AK5: variants seen among roughly 807,000 people sequenced by gnomAD.
AK5 encodes the protein adenylate kinase 5, also known as adenylate kinase isoenzyme 5.
AK5 carries 27 observed loss-of-function variants against 69.5 expected under a neutral mutation model. That is an observed-to-expected ratio of 0.39 (90% CI 0.29 to 0.54). The LOEUF is 0.54. Ranked by LOEUF, AK5 falls within the 20% of genes least tolerant of loss-of-function variation. The pLI is 0.71. For missense variants in AK5, 531 were observed against 700.4 expected, an observed-to-expected ratio of 0.76 and a Z score of 2.73; for synonymous variants, 260 against 244.4, an observed-to-expected ratio of 1.06 and a Z score of -0.60.
intron 10 of AK5, among the ~76,000 whole-genome samples, chr1:77,517,496 A>T (rs1657721588): frequency 6.6e-6 from 1 of 152,206 alleles, no homozygotes; most frequent in Admixed American, 6.5e-5. Flanking sequence ...CCTCGTCTGT[A>T]AAATGGGAAT....
At chr1:77,448,572 C>A (rs540658754) in intron 8 of AK5, among the ~76,000 whole-genome samples, 1 of 152,336 alleles carries the variant, frequency 6.6e-6, no homozygotes, top group South Asian at 2.1e-4. Flanking sequence ...TAATAAAGCA[C>A]CTCTTTGCCT....
At chr1:77,367,654 T>TTATA (rs1428487118) in intron 6 of AK5, among the ~76,000 whole-genome samples, 1 of 102,696 alleles carries the variant, frequency 9.7e-6, no homozygotes, top group East Asian at 2.9e-4. Context: ...GTTATATATG[T>TTATA]TATATATATG....
At position 77,293,954 on chromosome 1, in the gene AK5, G is replaced by C. The variant is rs1290673727; in HGVS notation, c.409G>C (p.Val137Leu). The C allele has an allele frequency of 6.2e-7, 1 of 1,610,764 alleles. No individual in the cohort carries two copies. The highest frequency in any genetic ancestry group is 8.5e-7 in the Non-Finnish European group (1 of 1,178,958). The change falls in exon 3 of 14, where the codon GTT (valine) becomes CTT (leucine). Residue 137 changes from valine to leucine, a missense_variant. Coordinates refer to ENST00000354567, the MANE Select transcript of AK5 (RefSeq NM_174858.3). ...CAGACCTCGACCAAAAATCATTCTT[G>C]TTATAGGTATGAGGACAGAAAGCAA... ...PTRPRPKIILVIGGPGSGKGT... is the reference protein window; with the variant it reads ...PTRPRPKIILLIGGPGSGKGT...
At chr1:77,498,781 G>A (rs1656516369) in intron 10 of AK5, among the ~76,000 whole-genome samples, 1 of 152,190 alleles carries the variant, frequency 6.6e-6, no homozygotes, top group African/African-American at 2.4e-5. Flanking sequence ...ATTGGAACAA[G>A]GAAAGGAACA....
At chr1:77,288,403 A>G (rs1658484906) in intron 2 of AK5, among the ~76,000 whole-genome samples, 1 of 152,206 alleles carries the variant, frequency 6.6e-6, no homozygotes, top group South Asian at 2.1e-4. Flanking sequence ...ATTGTACAAC[A>G]AAAGGTTTAT....
chr1:77,392,177 T>C (rs1276533072), intron 6 of AK5, among the ~76,000 whole-genome samples: 2 of 152,238 alleles, frequency 1.3e-5, no homozygotes, highest in Admixed American at 1.3e-4. Flanking sequence ...TAGGCCTGCC[T>C]GTAGTTTAAA....
At chr1:77,534,351 AAC>A (rs1272844965) in intron 12 of AK5, among the ~76,000 whole-genome samples, 1 of 152,190 alleles carries the variant, frequency 6.6e-6, no homozygotes, top group Non-Finnish European at 1.5e-5. Context: ...GGAGACTCAT[AAC>A]ACAGATCATA....
intron 6 of AK5, among the ~76,000 whole-genome samples, chr1:77,374,299 G>A (rs1647183595): frequency 6.6e-6 from 1 of 151,986 alleles, no homozygotes; most frequent in Non-Finnish European, 1.5e-5. Context: ...TTACTTGATA[G>A]CAAAGTGTCC....
chr1:77,306,046 ATTGT>A (rs994088486), intron 5 of AK5, among the ~76,000 whole-genome samples: 1 of 151,464 alleles, frequency 6.6e-6, no homozygotes, highest in Admixed American at 6.6e-5. Context: ...CATTACAGAG[ATTGT>A]TTGGTTAATT....
intron 2 of AK5, among the ~76,000 whole-genome samples, chr1:77,288,969 T>A (rs141745160): frequency 1.3e-5 from 2 of 152,338 alleles, no homozygotes; most frequent in African/African-American, 4.8e-5. Context: ...TGTCTTTATA[T>A]ACTTACTAAA....
chr1:77,557,591 C>T (rs1438042440), intron 13 of AK5, among the ~76,000 whole-genome samples: 1 of 152,102 alleles, frequency 6.6e-6, no homozygotes, highest in East Asian at 1.9e-4. Context: ...AGTCTCCAAG[C>T]GGACTCTACC....
At chr1:77,546,444 AT>A (rs1659548672) in intron 13 of AK5, among the ~76,000 whole-genome samples, 1 of 152,142 alleles carries the variant, frequency 6.6e-6, no homozygotes, top group Non-Finnish European at 1.5e-5. Context: ...GGAAAAAGAC[AT>A]GTGCTTGTAA....
intron 12 of AK5, among the ~76,000 whole-genome samples, chr1:77,533,900 A>AT (rs149612092): frequency 0.026 from 3,866 of 151,224 alleles, 131 homozygotes; most frequent in African/African-American, 0.089. Context: ...AACAAGGGTC[A>AT]TTTTTTTCCT....
intron 8 of AK5, among the ~76,000 whole-genome samples, chr1:77,466,273 C>T (rs941171645): frequency 1.4e-4 from 21 of 152,200 alleles, no homozygotes; most frequent in African/African-American, 4.6e-4. Context: ...TCTCCACTTG[C>T]CCAACTCAGA....
At chr1:77,534,286 A>G (rs1482825827) in intron 12 of AK5, among the ~76,000 whole-genome samples, 1 of 152,180 alleles carries the variant, frequency 6.6e-6, no homozygotes, top group African/African-American at 2.4e-5. Flanking sequence ...AGGAGGATGC[A>G]AAGTAAGCAT....
At chr1:77,428,427 G>T (rs919387376) in intron 8 of AK5, among the ~76,000 whole-genome samples, 8 of 152,076 alleles carry the variant, frequency 5.3e-5, no homozygotes, top group Non-Finnish European at 1.2e-4. Context: ...ATCAATAAAA[G>T]TACTGACTTT....
chr1:77,498,307 A>T (rs1656479826), intron 10 of AK5, among the ~76,000 whole-genome samples: 1 of 152,218 alleles, frequency 6.6e-6, no homozygotes, highest in East Asian at 1.9e-4. Flanking sequence ...ACGGGTGACT[A>T]GGAAGTAAGT....
rs188153767 is a variant in AK5 at position 77,313,942 on chromosome 1, A to G, written c.699+15995A>G. On this transcript the variant is annotated intron_variant, in intron 5 of 13. Coordinates refer to ENST00000354567, the MANE Select transcript of AK5 (RefSeq NM_174858.3). ...AAGTCTTTGCCTCTGCCTGCCACAT[A>G]TCTTCCTTGAGGCAATGAAGTACAG... The G allele has an allele frequency of 7.8e-5, 39 of 498,990 alleles. No individual in the cohort carries two copies. In the East Asian group the frequency reaches 2.1e-3, roughly 27 times the overall value. 30.9% of individuals were successfully genotyped at this position (498,990 alleles called of 1,614,324 possible). A position where few individuals can be genotyped will look rare whatever the true frequency, so the allele number is the denominator to read the frequency against.
At chr1:77,284,008 G>C (rs1371861741) in intron 1 of AK5, among the ~76,000 whole-genome samples, 1 of 152,126 alleles carries the variant, frequency 6.6e-6, no homozygotes, top group Non-Finnish European at 1.5e-5. Flanking sequence ...CACTGTGCAT[G>C]CAAATAAGTT....
Sources: allele counts gnomAD v4.1 joint callset (sites outside exome capture counted in the v4.1 genomes callset), GRCh38; gene constraint gnomAD v4.1.1; transcripts MANE v1.5; gene names NCBI Gene and HGNC (gene_info 2026-07-23, HGNC 2026-07-21).